CNTN5: variants seen among roughly 807,000 people sequenced by gnomAD.
CNTN5 encodes contactin-5.
A neutral mutation model predicts 129.1 loss-of-function variants in CNTN5; 77 were observed. The ratio of observed to expected loss-of-function variants is 0.60; its 90% CI spans 0.50 to 0.72. The LOEUF (loss-of-function observed/expected upper bound fraction) is 0.72. CNTN5 is among the 30% of genes least tolerant of loss of function. The pLI, the probability that CNTN5 is intolerant of heterozygous loss-of-function variation, is 0.00. For missense variants in CNTN5, 1,478 were observed against 1,328.8 expected (o/e 1.11, Z -1.75); for synonymous variants, 509 against 465.6 (o/e 1.09, Z -1.20).
At chr11:100,029,904 C>T (rs1446234367) in intron 9 of CNTN5, among the ~76,000 whole-genome samples, 1 of 152,114 alleles carries the variant, frequency 6.6e-6, no homozygotes, top group Non-Finnish European at 1.5e-5. Context: ...ATGCTTCTGT[C>T]ATCTATTTAA....
chr11:99,323,465 A>G (rs1321887771), intron 1 of CNTN5, among the ~76,000 whole-genome samples: 3 of 152,168 alleles, frequency 2.0e-5, no homozygotes. Context: ...TTGCTATGTT[A>G]GTTCATAATG....
intron 1 of CNTN5, among the ~76,000 whole-genome samples, chr11:99,279,060 A>T (rs1217436377): frequency 6.6e-6 from 1 of 151,808 alleles, no homozygotes; most frequent in African/African-American, 2.4e-5. Context: ...CACTATAAAA[A>T]CATATACTTT....
chr11:99,198,230 A>T (rs1859001276), intron 1 of CNTN5, among the ~76,000 whole-genome samples: 1 of 152,112 alleles, frequency 6.6e-6, no homozygotes, highest in African/African-American at 2.4e-5. Context: ...CCAGTGTTTG[A>T]TATAGGATTG....
rs78827382 is a variant in CNTN5, at chr11:99,496,376, G to T, written c.-70-59769G>T. ...GCAGTGAAAATGATTTTTTTAAGTGGTCAGAAAGGTAGGATGAAATGTAAA... is the reference window on the plus strand; with the variant it reads ...GCAGTGAAAATGATTTTTTTAAGTGTTCAGAAAGGTAGGATGAAATGTAAA... On this transcript the variant is annotated intron_variant, in intron 2 of 24. Transcript: ENST00000524871. Among the ~76,000 whole-genome samples, 951 of 152,180 alleles carry T rather than the reference G, an allele frequency of 6.2e-3. 8 individuals carry two copies. The highest frequency in any genetic ancestry group is 0.022 in the African/African-American group (895 of 41,516).
At chr11:99,512,178 G>C (rs544682916) in intron 2 of CNTN5, among the ~76,000 whole-genome samples, 1 of 152,230 alleles carries the variant, frequency 6.6e-6, no homozygotes, top group East Asian at 1.9e-4. Flanking sequence ...AAGAGCCCTA[G>C]ACAGGTATAG....
intron 1 of CNTN5, among the ~76,000 whole-genome samples, chr11:99,144,058 G>A (rs985413496): frequency 6.6e-6 from 1 of 151,920 alleles, no homozygotes; most frequent in South Asian, 2.1e-4. Context: ...ATTTTATACA[G>A]CTTTATGTAA....
intron 2 of CNTN5, among the ~76,000 whole-genome samples, chr11:99,507,950 A>G (rs754753921): frequency 3.3e-5 from 5 of 152,224 alleles, no homozygotes; most frequent in Non-Finnish European, 7.3e-5. Context: ...ATGTGTTTTT[A>G]TGAAGTAAAT....
At chr11:99,771,983 T>G (rs997737650) in intron 3 of CNTN5, among the ~76,000 whole-genome samples, 1 of 151,604 alleles carries the variant, frequency 6.6e-6, no homozygotes, top group African/African-American at 2.4e-5. Context: ...GAAAAAAATG[T>G]CTCTAATAAA....
intron 24 of CNTN5, among the ~76,000 whole-genome samples, chr11:100,355,908 C>T (rs1952511838): frequency 6.6e-6 from 1 of 151,628 alleles, no homozygotes; most frequent in Non-Finnish European, 1.5e-5. Flanking sequence ...CATGACATCA[C>T]CTTTTCAATA....
At chr11:100,309,654 T>C in intron 21 of CNTN5, 1 of 984,230 alleles carries the variant, frequency 1.0e-6, no homozygotes, top group Non-Finnish European at 1.2e-6. Flanking sequence ...AATGATAATA[T>C]ATATATTTGG....
intron 3 of CNTN5, among the ~76,000 whole-genome samples, chr11:99,623,147 G>C (rs577542970): frequency 2.6e-5 from 4 of 152,060 alleles, no homozygotes; most frequent in Non-Finnish European, 5.9e-5. Context: ...GATGTCTTCT[G>C]AGTTACAAGT....
chr11:99,877,622 TAAGGA>T (rs1289136927), intron 6 of CNTN5, among the ~76,000 whole-genome samples: 5 of 149,920 alleles, frequency 3.3e-5, no homozygotes, highest in African/African-American at 4.9e-5. Flanking sequence ...AAAAAAAAAA[TAAGGA>T]AAGTGCTGTT....
chr11:99,595,468 A>C (rs1565332655), intron 3 of CNTN5, among the ~76,000 whole-genome samples: 1 of 152,146 alleles, frequency 6.6e-6, no homozygotes, highest in Non-Finnish European at 1.5e-5. Context: ...AAAATATTCT[A>C]AACCTCTCAA....
chr11:100,091,932 A>AGGT (rs1944803196), intron 13 of CNTN5, among the ~76,000 whole-genome samples: 6 of 152,046 alleles, frequency 3.9e-5, no homozygotes, highest in Admixed American at 3.9e-4. Context: ...AACCTCACAA[A>AGGT]AGTGTGTGTA....
At chr11:99,601,897 C>T (rs1950322766) in intron 3 of CNTN5, among the ~76,000 whole-genome samples, 1 of 152,126 alleles carries the variant, frequency 6.6e-6, no homozygotes, top group Admixed American at 6.6e-5. Context: ...GAGAGTATGC[C>T]ATATACCTTT....
chr11:99,619,797 C>T (rs1315476131), intron 3 of CNTN5, among the ~76,000 whole-genome samples: 7 of 151,774 alleles, frequency 4.6e-5, no homozygotes, highest in Non-Finnish European at 8.8e-5. Context: ...GAGGCCGAGG[C>T]GGGCGGATCA....
intron 3 of CNTN5, among the ~76,000 whole-genome samples, chr11:99,754,726 G>A (rs79735147): frequency 0.012 from 1,849 of 152,154 alleles, 20 homozygotes; most frequent in Middle Eastern, 0.061. Flanking sequence ...AACCAGAGTG[G>A]TACACTTGTT....
intron 1 of CNTN5, among the ~76,000 whole-genome samples, chr11:99,049,008 G>A (rs12295765): frequency 1.4e-4 from 22 of 152,152 alleles, no homozygotes; most frequent in Middle Eastern, 3.4e-3. Flanking sequence ...CTGCTGTGTC[G>A]TTCAATCCCT....
intron 3 of CNTN5, among the ~76,000 whole-genome samples, chr11:99,723,203 C>A (rs147491426): frequency 2.6e-5 from 4 of 151,380 alleles, no homozygotes; most frequent in African/African-American, 9.7e-5. Flanking sequence ...CTCCCTTCCT[C>A]CCTTTATTAT....
Sources: allele counts gnomAD v4.1 joint callset (sites outside exome capture counted in the v4.1 genomes callset), GRCh38; gene constraint gnomAD v4.1.1; transcripts MANE v1.5; gene names NCBI Gene and HGNC (gene_info 2026-07-23, HGNC 2026-07-21).